Variants in UFM1 observed in about 807,000 individuals in gnomAD.
UFM1 encodes ubiquitin-fold modifier 1.
A neutral mutation model predicts 15.4 loss-of-function variants in UFM1; 9 were observed. The ratio of observed to expected loss-of-function variants is 0.59; its 90% CI spans 0.35 to 1.02. The LOEUF is 1.02. Among genes scored for constraint, UFM1 ranks in the 50% least tolerant of loss-of-function variants. UFM1 has a pLI of 0.02. For missense variants in UFM1, 98 were observed against 104.7 expected, an observed-to-expected ratio of 0.94 and a Z score of 0.28; for synonymous variants, 27 against 36.3, an observed-to-expected ratio of 0.74 and a Z score of 0.92.
chr13:38,358,721 G>T (rs1879238272), intron 4 of UFM1, among the ~76,000 whole-genome samples: 1 of 152,036 alleles, frequency 6.6e-6, no homozygotes, highest in Admixed American at 6.6e-5. Flanking sequence ...CGTTGCCCAA[G>T]TGCAGTTTGG....
At chr13:38,355,260 C>A (rs1236931190) in intron 3 of UFM1, among the ~76,000 whole-genome samples, 1 of 152,010 alleles carries the variant, frequency 6.6e-6, no homozygotes, top group East Asian at 1.9e-4. Flanking sequence ...TGTCAGGAAT[C>A]ACTAACATTA....
intron 5 of UFM1, chr13:38,360,154 G>A (rs535089614): frequency 7.4e-5 from 21 of 282,680 alleles, no homozygotes; most frequent in East Asian, 3.4e-4. Flanking sequence ...ATTGAAAATC[G>A]TGAGGCACTT....
intron 2 of UFM1, among the ~76,000 whole-genome samples, chr13:38,352,372 T>C (rs1878900310): frequency 6.6e-6 from 1 of 152,108 alleles, no homozygotes; most frequent in Non-Finnish European, 1.5e-5. Flanking sequence ...TCTGGGATTA[T>C]AGGCGTGAGC....
At chr13:38,359,996 T>C in intron 5 of UFM1, 1 of 341,842 alleles carries the variant, frequency 2.9e-6, no homozygotes, top group East Asian at 9.2e-5. Context: ...TAAATTATAT[T>C]CTAAAGTATT....
chr13:38,361,931 A>T lies in UFM1; in HGVS notation c.*1153A>T, dbSNP rs1879410796. 1 of 152,262 alleles carries T rather than the reference A, an allele frequency of 6.6e-6. No homozygotes were observed. Among genetic ancestry groups the T allele is most frequent in the Non-Finnish European group, 1.5e-5 (1 of 68,052 alleles). The allele number at this position is 152,262 out of a possible 1,614,324, so 9.4% of individuals were successfully genotyped here. ...TTAAGTAGAAGAAGGCAGTTAGAGA[A>T]AACAAAGTATCTACTGGCCTTGTCA... On this transcript the variant is annotated 3_prime_UTR_variant, in exon 6 of 6. Coordinates refer to ENST00000239878, the MANE Select transcript of UFM1 (RefSeq NM_016617.4).
In UFM1 at chr13:38,358,120, A is replaced by G. The variant is rs556026347; in HGVS notation, c.145A>G (p.Ile49Val). The change falls in exon 4 of 6, where the codon ATT becomes GTT. Residue 49 changes from isoleucine (I) to valine (V), a missense_variant. By Grantham distance (29) the Ile-to-Val change is conservative (BLOSUM62 3). Coordinates refer to ENST00000239878, the MANE Select transcript of UFM1 (RefSeq NM_016617.4). Reference sequence around the variant, plus strand: ...TAAAGTTCCTGCTGCAACAAGTGCAATTATTACCAATGGTAAGAATTCACT... The same window carrying G: ...TAAAGTTCCTGCTGCAACAAGTGCAGTTATTACCAATGGTAAGAATTCACT... ...EFKVPAATSAIITNDGIGINP... is the reference protein window; with the variant it reads ...EFKVPAATSAVITNDGIGINP... 2 of 1,457,202 alleles carry G rather than the reference A, an allele frequency of 1.4e-6. No individual in the cohort carries two copies. The highest frequency in any genetic ancestry group is 1.9e-4 in the Middle Eastern group (1 of 5,174). The allele number at this position is 1,457,202 out of a possible 1,614,324, so 90.3% of individuals were successfully genotyped here.
intron 1 of UFM1, 22 bp from the exon 2 acceptor site, chr13:38,349,977 T>C (rs1476953917): frequency 2.5e-6 from 4 of 1,613,858 alleles, no homozygotes; most frequent in Non-Finnish European, 3.4e-6. Flanking sequence ...CGACCCTGAC[T>C]CTCTCCCGCT....
chr13:38,362,043 A>G lies in UFM1; in HGVS notation c.*1265A>G, dbSNP rs1191112524. On this transcript the variant is annotated 3_prime_UTR_variant, in exon 6 of 6. Transcript: ENST00000239878. ...TTTATTTGCCCTTCCGGAAGAAATC[A>G]GTATCTATGCAAATCTTGAAAGACG... 1.3e-5 allele frequency: 2 copies of G among 152,222 alleles called. No individual in the cohort carries two copies. The highest frequency in any genetic ancestry group is 1.3e-4 in the Admixed American group (2 of 15,282). The allele number at this position is 152,222 out of a possible 1,614,324, so 9.4% of individuals were successfully genotyped here.
intron 2 of UFM1, among the ~76,000 whole-genome samples, chr13:38,351,883 C>A (rs1333999137): frequency 6.6e-6 from 1 of 151,928 alleles, no homozygotes; most frequent in Non-Finnish European, 1.5e-5. Context: ...GTGGAAAATT[C>A]ACATAACGTG....
At chr13:38,357,731 T>C (rs1879173635) in intron 3 of UFM1, among the ~76,000 whole-genome samples, 1 of 151,974 alleles carries the variant, frequency 6.6e-6, no homozygotes, top group Admixed American at 6.6e-5. Context: ...ACTGTATTCT[T>C]ACAATAACGT....
chr13:38,350,204 T>A, intron 2 of UFM1, 149 bp downstream of exon 2: 2 of 1,612,776 alleles, frequency 1.2e-6, no homozygotes, highest in Non-Finnish European at 8.5e-7. Flanking sequence ...CAGGAGCCTT[T>A]CCCACCGGAG....
At chr13:38,352,376 C>T (rs1031733015) in intron 2 of UFM1, among the ~76,000 whole-genome samples, 2 of 152,066 alleles carry the variant, frequency 1.3e-5, no homozygotes, top group African/African-American at 2.4e-5. Context: ...GGATTATAGG[C>T]GTGAGCCACC....
Position 38,358,134 on chromosome 13 carries a change from TA to T in UFM1, c.157+4del. 1 of 1,456,034 alleles carries T rather than the reference TA, an allele frequency of 6.9e-7. No homozygotes were observed. Among genetic ancestry groups the T allele is most frequent in the Non-Finnish European group, 9.2e-7 (1 of 1,090,602 alleles). 90.2% of individuals were successfully genotyped at this position (1,456,034 alleles called of 1,614,324 possible). ...CAACAAGTGCAATTATTACCAATGG[TA>T]AGAATTCACTATAAAATTATGTATT... On this transcript the variant is annotated splice_donor_region_variant and intron_variant, in intron 4 of 5. Coordinates refer to ENST00000239878, the MANE Select transcript of UFM1 (RefSeq NM_016617.4).
At chr13:38,360,049 G>A (rs925512076) in intron 5 of UFM1, 3 of 406,568 alleles carry the variant, frequency 7.4e-6, no homozygotes, top group African/African-American at 6.2e-5. Context: ...AGGCCTTGCA[G>A]TTGAAATTCA....
Position 38,361,482 on chromosome 13 carries a change from A to G in UFM1, c.*704A>G, listed in dbSNP as rs1290955496. ...GTAGAAGCATCCTTTGCTGAGTTATACATTCCTTTATCAATCTCTTTTGAT... is the reference window on the plus strand; with the variant it reads ...GTAGAAGCATCCTTTGCTGAGTTATGCATTCCTTTATCAATCTCTTTTGAT... On this transcript the variant is annotated 3_prime_UTR_variant, in exon 6 of 6. Transcript: ENST00000239878. The G allele has an allele frequency of 1.3e-5, 2 of 152,208 alleles. No individual in the cohort carries two copies. The highest frequency in any genetic ancestry group is 2.4e-5 in the African/African-American group (1 of 41,454). The allele number at this position is 152,208 out of a possible 1,614,324, so 9.4% of individuals were successfully genotyped here.
Position 38,358,408 on chromosome 13 carries a change from G to GTTTT in UFM1, c.157+284_157+287dup, listed in dbSNP as rs11381230. ...AACTGAAAATAACTTTATTTAGCAA[G>GTTTT]TTTTTTTTTTTATTAAGTAAAGTTG... On this transcript the variant is annotated intron_variant, in intron 4 of 5. Coordinates refer to ENST00000239878, the MANE Select transcript of UFM1 (RefSeq NM_016617.4). Among the ~76,000 whole-genome samples the GTTTT allele has an allele frequency of 5.7e-4, 85 of 148,794 alleles. 1 individual carries two copies. Among genetic ancestry groups the GTTTT allele is most frequent in the Admixed American group, 1.1e-3 (17 of 14,880 alleles).
At chr13:38,358,071 AT>A (rs68091289) in intron 3 of UFM1, 21 bp from the exon 4 acceptor site, 11,891 of 553,072 alleles carry the variant, frequency 0.021, 241 homozygotes, top group East Asian at 0.11. Flanking sequence ...ATATATATAT[AT>A]TTTTTTTTCC....
intron 4 of UFM1, 98 bp downstream of exon 4, chr13:38,358,230 A>G (rs1217007598): frequency 1.5e-6 from 1 of 672,786 alleles, no homozygotes; most frequent in Non-Finnish European, 2.3e-6. Flanking sequence ...AGCCCCAAGT[A>G]TATGTATATC....
At chr13:38,360,008 C>A (rs1214415087) in intron 5 of UFM1, 1 of 357,754 alleles carries the variant, frequency 2.8e-6, no homozygotes, top group Non-Finnish European at 5.5e-6. Flanking sequence ...TAAAGTATTT[C>A]TTTATTGTAA....
Sources: allele counts gnomAD v4.1 joint callset (sites outside exome capture counted in the v4.1 genomes callset), GRCh38; gene constraint gnomAD v4.1.1; transcripts MANE v1.5; gene names NCBI Gene and HGNC (gene_info 2026-07-23, HGNC 2026-07-21).